The following CRACD variants were observed in gnomAD, a reference collection of about 807,000 sequenced individuals.
CRACD encodes capping protein-inhibiting regulator of actin dynamics.
CRACD carries 56 observed loss-of-function variants against 106.8 expected under a neutral mutation model. That is an observed-to-expected ratio of 0.52 (90% CI 0.42 to 0.66). The LOEUF is 0.66. Among genes scored for constraint, CRACD ranks in the 30% least tolerant of loss-of-function variants. The pLI is 0.00. For missense variants in CRACD, 1,730 were observed against 1,623.2 expected, an observed-to-expected ratio of 1.07 and a Z score of -1.13; for synonymous variants, 754 against 670.8, an observed-to-expected ratio of 1.12 and a Z score of -1.92.
rs557829052 is a variant in CRACD at position 56,305,155 on chromosome 4, A to G, written c.121-2380A>G. On this transcript the variant is annotated intron_variant, in intron 4 of 10. Coordinates refer to ENST00000682029, the MANE Select transcript of CRACD (RefSeq NM_001393381.1). ...AGGATCACTTGAGCCCAGGACATCC[A>G]GGCTGCAGTGAGCTATGATCATGCC... is the stretch of plus-strand genomic sequence containing the variant. Among the ~76,000 whole-genome samples the G allele has an allele frequency of 2.6e-5, 4 of 152,314 alleles. 1 individual carries two copies. The South Asian group carries it at 8.3e-4, about 32-fold the overall frequency.
intron 1 of CRACD, among the ~76,000 whole-genome samples, chr4:56,104,743 G>A (rs112086517): frequency 1.3e-5 from 2 of 152,032 alleles, no homozygotes; most frequent in Non-Finnish European, 2.9e-5. Flanking sequence ...TGAGGCGGGC[G>A]GATCATGAGG....
intron 2 of CRACD, among the ~76,000 whole-genome samples, chr4:56,221,960 C>T (rs1349369702): frequency 6.6e-6 from 1 of 152,078 alleles, no homozygotes; most frequent in Non-Finnish European, 1.5e-5. Context: ...ATTAGTACAC[C>T]CTCCATAGAA....
At chr4:56,239,354 G>T (rs1254214952) in intron 2 of CRACD, among the ~76,000 whole-genome samples, 1 of 151,984 alleles carries the variant, frequency 6.6e-6, no homozygotes, top group Non-Finnish European at 1.5e-5. Context: ...TTTATGAGAT[G>T]TCTATGGGAA....
chr4:56,171,419 C>G (rs527445461), intron 1 of CRACD, among the ~76,000 whole-genome samples: 1 of 152,092 alleles, frequency 6.6e-6, no homozygotes. Context: ...GTAGTGTTGT[C>G]CAGTTAGCAG....
intron 3 of CRACD, among the ~76,000 whole-genome samples, chr4:56,273,277 T>TTGCC (rs1001990480): frequency 4.6e-5 from 7 of 152,046 alleles, no homozygotes; most frequent in East Asian, 1.9e-4. Context: ...GATGGAGCTT[T>TTGCC]TGCCTGCCTG....
intron 1 of CRACD, among the ~76,000 whole-genome samples, chr4:56,050,803 T>TA (rs1731849942): frequency 6.6e-6 from 1 of 152,224 alleles, no homozygotes; most frequent in Admixed American, 6.5e-5. Flanking sequence ...GTTGATTATT[T>TA]AAAATGCATT....
intron 2 of CRACD, among the ~76,000 whole-genome samples, chr4:56,251,960 A>T (rs947351163): frequency 1.3e-5 from 2 of 152,238 alleles, no homozygotes; most frequent in African/African-American, 4.8e-5. Context: ...ATATCAGAAC[A>T]TATGTATGCA....
Position 56,298,196 on chromosome 4 carries a change from A to G in CRACD, c.-16-18A>G. ...AAATTTTATCCTAATAAAATGAAGC[A>G]CATGATTTACCTTCCAGGTCCTTCA... On this transcript the variant is annotated intron_variant, in intron 3 of 10. Coordinates refer to ENST00000682029, the MANE Select transcript of CRACD (RefSeq NM_001393381.1). The G allele has an allele frequency of 6.2e-7, 1 of 1,605,606 alleles. No individual in the cohort carries two copies. The highest frequency in any genetic ancestry group is 1.3e-5 in the African/African-American group (1 of 74,542).
At chr4:56,326,045 G>T (rs1746423226) in intron 10 of CRACD, among the ~76,000 whole-genome samples, 1 of 152,148 alleles carries the variant, frequency 6.6e-6, no homozygotes, top group Admixed American at 6.5e-5. Context: ...CCAAGTAGCT[G>T]GGAGTACAGG....
chr4:56,125,720 T>C (rs546547030), intron 1 of CRACD, among the ~76,000 whole-genome samples: 147 of 151,878 alleles, frequency 9.7e-4, no homozygotes, highest in Non-Finnish European at 1.7e-3. Context: ...CCTGACTGGA[T>C]TTAAAATTTT....
At chr4:56,321,221 C>A in intron 8 of CRACD, 1 of 254,034 alleles carries the variant, frequency 3.9e-6, no homozygotes, top group Admixed American at 4.6e-5. Context: ...TGAGAAGTGT[C>A]AAGAGAAGCA....
chr4:56,256,065 T>C (rs770348691), intron 2 of CRACD, among the ~76,000 whole-genome samples: 1 of 152,150 alleles, frequency 6.6e-6, no homozygotes, highest in Non-Finnish European at 1.5e-5. Flanking sequence ...CACTTAGAAT[T>C]TTGGAGCAAA....
chr4:56,316,650 C>A lies in CRACD; in HGVS notation c.3148C>A (p.Gln1050Lys). The change falls in exon 8 of 11, where the codon CAA becomes AAA. Residue 1050 changes from glutamine (Q) to lysine (K), a missense_variant. Physicochemically the swap from Gln to Lys is moderately conservative, Grantham distance 53 (BLOSUM62 1). Coordinates refer to ENST00000682029, the MANE Select transcript of CRACD (RefSeq NM_001393381.1). ...TTCCCCACCTCTGCCTGCCACTCAG[C>A]AAGAGAAACCTTCTCAAACACCCGA... is the stretch of plus-strand genomic sequence containing the variant. ...PASPPLPATQ[Q>K]EKPSQTPEAG... 6.2e-7 allele frequency: 1 copy of A among 1,612,414 alleles called. No individual in the cohort carries two copies. Among genetic ancestry groups the A allele is most frequent in the Non-Finnish European group, 8.5e-7 (1 of 1,179,284 alleles).
chr4:56,110,496 C>A (rs34771783), intron 1 of CRACD, among the ~76,000 whole-genome samples: 6 of 152,038 alleles, frequency 3.9e-5, no homozygotes, highest in African/African-American at 1.4e-4. Context: ...TTGCAGTAGG[C>A]TTAGACTAGA....
Position 56,315,765 on chromosome 4 carries a change from G to A in CRACD, c.2263G>A (p.Glu755Lys), listed in dbSNP as rs1254100357. ...AAAAAGACCCATGCTGGGACCCAGCGAAGAGACAGCCCCCCAGCCTCCTCC... is the reference window on the plus strand; with the variant it reads ...AAAAAGACCCATGCTGGGACCCAGCAAAGAGACAGCCCCCCAGCCTCCTCC... ...IRKRPMLGPS[E>K]ETAPQPPPAG... Residue 755 changes from glutamate (E) to lysine (K), a missense_variant, in exon 8 of 11, where the codon GAA becomes AAA. Transcript: ENST00000682029. This position sits in a 1 kb window ranked among gnomAD's most constrained non-coding sequence, Gnocchi z 4.1. 2.5e-6 allele frequency: 4 copies of A among 1,614,204 alleles called. No individual in the cohort carries two copies. The South Asian group carries it at 3.3e-5, about 13-fold the overall frequency.
chr4:56,228,227 A>C (rs1447886066), intron 2 of CRACD, among the ~76,000 whole-genome samples: 1 of 152,148 alleles, frequency 6.6e-6, no homozygotes, highest in Non-Finnish European at 1.5e-5. Flanking sequence ...CTGTGTACTT[A>C]ATCTGTACTG....
intron 3 of CRACD, among the ~76,000 whole-genome samples, chr4:56,292,211 C>T (rs907320104): frequency 6.6e-5 from 10 of 152,120 alleles, no homozygotes; most frequent in African/African-American, 2.2e-4. Flanking sequence ...AGAGTGGTGA[C>T]TTAGGGTATC....
chr4:56,084,306 G>A (rs1733140591), intron 1 of CRACD, among the ~76,000 whole-genome samples: 1 of 151,354 alleles, frequency 6.6e-6, no homozygotes, highest in Non-Finnish European at 1.5e-5. Context: ...CTTCCTTCCT[G>A]CCTTCTCTTC....
chr4:56,244,922 C>A (rs1240084588), intron 2 of CRACD, among the ~76,000 whole-genome samples: 1 of 152,226 alleles, frequency 6.6e-6, no homozygotes, highest in East Asian at 1.9e-4. Flanking sequence ...ATTGATATCT[C>A]TCCTAAGTCC....
Sources: gnomAD v4.1 joint callset for allele counts (sites outside exome capture counted in the v4.1 genomes callset) on GRCh38, gnomAD v4.1.1 for gene constraint, Gnocchi (gnomAD v3.1) non-coding constraint, MANE v1.5 for transcripts, NCBI Gene and HGNC (gene_info 2026-07-23, HGNC 2026-07-21) for gene names.